TTLL5: variants seen among roughly 807,000 people sequenced by gnomAD.
TTLL5 encodes the protein tubulin polyglutamylase TTLL5.
In TTLL5, 132 loss-of-function variants were observed where a neutral mutation model predicts 168.4. That is an observed-to-expected ratio of 0.78 (90% confidence interval 0.68 to 0.91). TTLL5 has a LOEUF of 0.91. Among genes scored for constraint, TTLL5 ranks in the 40% least tolerant of loss-of-function variants. The pLI is 0.00. For synonymous variants in TTLL5, 546 were observed against 558.6 expected, an observed-to-expected ratio of 0.98 and a Z score of 0.32; for missense variants, 1,545 against 1,581.5, an observed-to-expected ratio of 0.98 and a Z score of 0.39.
chr14:75,779,248 T>C (rs1054397273), intron 23 of TTLL5, among the ~76,000 whole-genome samples: 7 of 152,236 alleles, frequency 4.6e-5, no homozygotes, highest in African/African-American at 1.7e-4. Flanking sequence ...TGTGGGTGAC[T>C]ACTGAACACT....
At chr14:75,697,296 A>G (rs1235713265) in intron 6 of TTLL5, among the ~76,000 whole-genome samples, 3 of 152,178 alleles carry the variant, frequency 2.0e-5, no homozygotes, top group Admixed American at 6.5e-5. Context: ...TATTTAATTA[A>G]TATTTTGCTG....
At chr14:75,940,253 G>A (rs1012396415) in intron 31 of TTLL5, among the ~76,000 whole-genome samples, 49 of 151,688 alleles carry the variant, frequency 3.2e-4, no homozygotes, top group African/African-American at 1.2e-3. Flanking sequence ...TAATTTTTTT[G>A]TATTTTTAGT....
Position 75,760,904 on chromosome 14 carries a change from A to G in TTLL5, c.1551-3711A>G, listed in dbSNP as rs149515188. On this transcript the variant is annotated intron_variant, in intron 18 of 31. Coordinates refer to ENST00000298832, the MANE Select transcript of TTLL5 (RefSeq NM_015072.5). ...AAACAAATAATGTTATATTTTCTCA[A>G]GATTAAAAACTTCATTATAAGATAC... 7.2e-5 allele frequency among the ~76,000 whole-genome samples: 11 copies of G among 152,270 alleles called. No homozygotes were observed. The East Asian group carries it at 1.7e-3, about 24-fold the overall frequency.
At position 75,882,857 on chromosome 14, in the gene TTLL5, A is replaced by G; in HGVS notation, c.3695A>G (p.Asn1232Ser). The stretch of plus-strand genomic sequence containing the variant: ...TCCCTGGTTCCCAAACCCCCACCCA[A>G]CCACGAACAAGTGCTCAGAAGGGCA... The part of the protein sequence containing the change: ...CASLVPKPPP[N>S]HEQVLRRATS... The change falls in exon 30 of 32, where the codon AAC (asparagine) becomes AGC (serine). Residue 1232 changes from asparagine to serine, a missense_variant. Transcript: ENST00000298832. 1 of 1,614,108 alleles carries G rather than the reference A, an allele frequency of 6.2e-7. No homozygotes were observed. The highest frequency in any genetic ancestry group is 8.5e-7 in the Non-Finnish European group (1 of 1,180,024).
At chr14:75,875,778 G>A (rs911209331) in intron 29 of TTLL5, among the ~76,000 whole-genome samples, 1 of 152,172 alleles carries the variant, frequency 6.6e-6, no homozygotes, top group African/African-American at 2.4e-5. Context: ...CAGGTGTCAT[G>A]TGATTCCGTG....
intron 29 of TTLL5, among the ~76,000 whole-genome samples, chr14:75,882,415 C>T (rs987353268): frequency 2.0e-5 from 3 of 152,188 alleles, no homozygotes; most frequent in Non-Finnish European, 2.9e-5. Context: ...TTCTAATTCA[C>T]GCATGTGGAC....
chr14:75,899,268 C>T (rs936593430), intron 30 of TTLL5, among the ~76,000 whole-genome samples: 6 of 152,170 alleles, frequency 3.9e-5, no homozygotes, highest in African/African-American at 7.2e-5. Flanking sequence ...TACCTCCCAA[C>T]GTAAATATTT....
chr14:75,839,394 T>G (rs1287380830), intron 28 of TTLL5, among the ~76,000 whole-genome samples: 1 of 152,224 alleles, frequency 6.6e-6, no homozygotes, highest in African/African-American at 2.4e-5. Context: ...TTTTTGATAG[T>G]AGCCATCTGT....
At chr14:75,722,953 A>G (rs1032265591) in intron 12 of TTLL5, among the ~76,000 whole-genome samples, 1 of 152,134 alleles carries the variant, frequency 6.6e-6, no homozygotes, top group Non-Finnish European at 1.5e-5. Context: ...TAATGCTCCC[A>G]GAGTTAGCCT....
chr14:75,826,170 G>A (rs1416404693), intron 28 of TTLL5, among the ~76,000 whole-genome samples: 2 of 152,092 alleles, frequency 1.3e-5, no homozygotes, highest in East Asian at 3.8e-4. Flanking sequence ...TCAGAATAAA[G>A]CATGGAATGC....
chr14:75,865,266 GT>G lies in TTLL5; in HGVS notation c.3522+1416del, dbSNP rs200169277. On this transcript the variant is annotated intron_variant, in intron 29 of 31. Coordinates refer to ENST00000298832, the MANE Select transcript of TTLL5 (RefSeq NM_015072.5). ...GATACAAATGTGTGTCTTAGTTGTT[GT>G]TTTTTTTTTTTAATCTGTGTTCTTA... 1.9e-3 allele frequency among the ~76,000 whole-genome samples: 265 copies of G among 140,526 alleles called. 2 individuals carry two copies. Among genetic ancestry groups the G allele is most frequent in the Middle Eastern group, 3.7e-3 (1 of 272 alleles). The allele number at this position is 140,526 out of a possible 152,430, so 92.2% of individuals were successfully genotyped here. A position where few individuals can be genotyped will look rare whatever the true frequency, so the allele number is the denominator to read the frequency against.
chr14:75,795,250 A>G (rs1177449541), intron 27 of TTLL5, among the ~76,000 whole-genome samples: 1 of 152,244 alleles, frequency 6.6e-6, no homozygotes, highest in African/African-American at 2.4e-5. Context: ...GATATTATGC[A>G]AAACCTCTAA....
At chr14:75,673,373 A>C (rs974204928) in intron 3 of TTLL5, among the ~76,000 whole-genome samples, 7 of 152,168 alleles carry the variant, frequency 4.6e-5, no homozygotes, top group African/African-American at 1.7e-4. Flanking sequence ...CAGTGCTCTG[A>C]GCCCTGGTGT....
intron 3 of TTLL5, among the ~76,000 whole-genome samples, chr14:75,678,891 T>G (rs1016826247): frequency 2.0e-5 from 3 of 152,250 alleles, no homozygotes; most frequent in African/African-American, 7.2e-5. Context: ...TATTTTGAGA[T>G]GTATGCGTGT....
At chr14:75,769,118 T>C (rs983216760) in intron 20 of TTLL5, among the ~76,000 whole-genome samples, 2 of 152,244 alleles carry the variant, frequency 1.3e-5, no homozygotes, top group African/African-American at 4.8e-5. Context: ...AACATTCTGC[T>C]TAGTTGTTGT....
chr14:75,720,288 A>G (rs1016963561), intron 11 of TTLL5, among the ~76,000 whole-genome samples: 5 of 152,158 alleles, frequency 3.3e-5, no homozygotes, highest in Non-Finnish European at 5.9e-5. Context: ...GCCAAAAAAG[A>G]CTTTTCATTT....
intron 26 of TTLL5, among the ~76,000 whole-genome samples, chr14:75,792,362 TAAAGTA>T (rs1892775960): frequency 6.6e-6 from 1 of 151,440 alleles, no homozygotes; most frequent in Non-Finnish European, 1.5e-5. Flanking sequence ...CCCTAGAACT[TAAAGTA>T]TAATAATAAT....
intron 4 of TTLL5, among the ~76,000 whole-genome samples, chr14:75,681,976 G>A (rs977797408): frequency 6.6e-6 from 1 of 151,954 alleles, no homozygotes; most frequent in African/African-American, 2.4e-5. Context: ...TGGATCCCAA[G>A]GTCAGGAGAT....
chr14:75,913,674 T>A (rs942414055), intron 31 of TTLL5, among the ~76,000 whole-genome samples: 50 of 152,160 alleles, frequency 3.3e-4, no homozygotes, highest in African/African-American at 1.1e-3. Flanking sequence ...TGCCTTTTTT[T>A]ATTCTTCTAC....
Sources: gnomAD v4.1 joint callset for allele counts (sites outside exome capture counted in the v4.1 genomes callset) on GRCh38, gnomAD v4.1.1 for gene constraint, MANE v1.5 for transcripts, NCBI Gene and HGNC (gene_info 2026-07-23, HGNC 2026-07-21) for gene names.